Variants in EXOC4 observed in about 807,000 individuals in gnomAD.
EXOC4 encodes exocyst complex component 4, also known as SEC8-like 1.
In EXOC4, 71 loss-of-function variants were observed where a neutral mutation model predicts 107.2. That is an observed-to-expected ratio of 0.66 (90% CI 0.55 to 0.81). The LOEUF (loss-of-function observed/expected upper bound fraction) is 0.81. EXOC4 is among the 30% of genes least tolerant of loss of function. The pLI is 0.00. For missense variants in EXOC4, 1,108 were observed against 1,189.6 expected, an observed-to-expected ratio of 0.93 and a Z score of 1.01; for synonymous variants, 456 against 441.2, an observed-to-expected ratio of 1.03 and a Z score of -0.42.
At chr7:133,618,261 G>A (rs761695817) in intron 9 of EXOC4, among the ~76,000 whole-genome samples, 92 of 150,528 alleles carry the variant, frequency 6.1e-4, no homozygotes, top group Non-Finnish European at 1.1e-3. Context: ...CTGTATTTAT[G>A]TTTATTTAAT....
At chr7:133,680,501 T>G (rs890200673) in intron 10 of EXOC4, among the ~76,000 whole-genome samples, 1 of 152,142 alleles carries the variant, frequency 6.6e-6, no homozygotes, top group Non-Finnish European at 1.5e-5. Flanking sequence ...GGACGTAAAA[T>G]GGATATAAAC....
At chr7:133,486,405 C>G (rs1000626181) in intron 9 of EXOC4, among the ~76,000 whole-genome samples, 2 of 152,112 alleles carry the variant, frequency 1.3e-5, no homozygotes, top group Non-Finnish European at 2.9e-5. Context: ...CAATATTTCA[C>G]TTTTGCACAC....
In EXOC4 at chr7:134,052,716, A is replaced by G. The variant is rs145866919; in HGVS notation, c.2688-11575A>G. ...TATTATTTATCCCATGCTTAAATGA[A>G]AAAACTGAAGTTGAGACAGGTTCAG... On this transcript the variant is annotated intron_variant, in intron 17 of 17. Coordinates refer to ENST00000253861, the MANE Select transcript of EXOC4 (RefSeq NM_021807.4). Among the ~76,000 whole-genome samples the G allele has an allele frequency of 2.4e-4, 36 of 152,354 alleles. No homozygotes were observed. In the East Asian group the frequency reaches 6.0e-3, roughly 25 times the overall value.
At chr7:133,322,131 A>G (rs1795126808) in intron 5 of EXOC4, among the ~76,000 whole-genome samples, 2 of 152,154 alleles carry the variant, frequency 1.3e-5, no homozygotes, top group African/African-American at 4.8e-5. Context: ...CCTTTGTCAG[A>G]TGGATAGATT....
At chr7:133,915,307 G>C (rs900444196) in intron 12 of EXOC4, among the ~76,000 whole-genome samples, 1 of 152,074 alleles carries the variant, frequency 6.6e-6, no homozygotes, top group Non-Finnish European at 1.5e-5. Context: ...ATAGTGGAAA[G>C]AGTAAAAATA....
At chr7:133,466,308 AC>A (rs1798726850) in intron 7 of EXOC4, among the ~76,000 whole-genome samples, 2 of 152,148 alleles carry the variant, frequency 1.3e-5, no homozygotes, top group Non-Finnish European at 1.5e-5. Flanking sequence ...AAGTAGACCA[AC>A]CAATTAAAAA....
intron 9 of EXOC4, among the ~76,000 whole-genome samples, chr7:133,497,078 C>T (rs1294182931): frequency 6.6e-6 from 1 of 152,104 alleles, no homozygotes; most frequent in Non-Finnish European, 1.5e-5. Flanking sequence ...AAAAATAGGA[C>T]CTCCATCCTA....
intron 8 of EXOC4, 93 bp downstream of exon 8, chr7:133,475,566 C>A: frequency 8.6e-7 from 1 of 1,159,240 alleles, no homozygotes; most frequent in Non-Finnish European, 1.2e-6. Flanking sequence ...CTTTGTCTAG[C>A]TTAAGTTGAT....
chr7:133,965,320 G>A (rs1214777410), intron 14 of EXOC4, among the ~76,000 whole-genome samples: 1 of 152,186 alleles, frequency 6.6e-6, no homozygotes, highest in Non-Finnish European at 1.5e-5. Flanking sequence ...CTGTGCAGAA[G>A]CTCTTTAGTT....
At chr7:133,726,381 T>C (rs915714767) in intron 10 of EXOC4, among the ~76,000 whole-genome samples, 1 of 152,170 alleles carries the variant, frequency 6.6e-6, no homozygotes, top group African/African-American at 2.4e-5. Context: ...TAGGCACACG[T>C]ATGTGTGCTG....
intron 14 of EXOC4, among the ~76,000 whole-genome samples, chr7:133,941,478 AG>A (rs1308085890): frequency 6.6e-6 from 1 of 152,116 alleles, no homozygotes; most frequent in African/African-American, 2.4e-5. Flanking sequence ...TTTTTTCCTA[AG>A]GTAATTTTTT....
At chr7:133,917,377 T>C (rs1442860918) in intron 12 of EXOC4, among the ~76,000 whole-genome samples, 1 of 152,166 alleles carries the variant, frequency 6.6e-6, no homozygotes, top group African/African-American at 2.4e-5. Flanking sequence ...ACTCAACAAC[T>C]AAGAAACTAA....
At chr7:133,787,777 C>T (rs562203754) in intron 10 of EXOC4, among the ~76,000 whole-genome samples, 1 of 150,778 alleles carries the variant, frequency 6.6e-6, no homozygotes, top group East Asian at 2.0e-4. Flanking sequence ...CTTATATAAA[C>T]CTAATTAACT....
rs551776906 is a variant in EXOC4 at position 133,898,374 on chromosome 7, A to C, written c.1871+2639A>C. On this transcript the variant is annotated intron_variant, in intron 12 of 17. Transcript: ENST00000253861. ...TGGGCCATTAGAGTCTTGGATTTTC[A>C]GTTTTACAAAACCAGATTCCAAAGT... Among the ~76,000 whole-genome samples, 5 of 152,246 alleles carry C rather than the reference A, an allele frequency of 3.3e-5. No individual in the cohort carries two copies. In the East Asian group the frequency reaches 5.8e-4, roughly 18 times the overall value.
chr7:133,330,218 C>T (rs1357161549), intron 5 of EXOC4, among the ~76,000 whole-genome samples: 1 of 152,156 alleles, frequency 6.6e-6, no homozygotes, highest in Non-Finnish European at 1.5e-5. Context: ...ATTGTTTACT[C>T]TGTGAGGGTA....
At chr7:134,092,730 C>G in the EXOC4 span, among the ~76,000 whole-genome samples, 1 of 151,926 alleles carries the variant, frequency 6.6e-6, no homozygotes, top group Non-Finnish European at 1.5e-5. Flanking sequence ...TTGAAACCAC[C>G]TGGCCAACAT....
chr7:133,947,288 C>CAA (rs530741144), intron 14 of EXOC4, among the ~76,000 whole-genome samples: 5 of 152,114 alleles, frequency 3.3e-5, no homozygotes, highest in Admixed American at 2.0e-4. Flanking sequence ...TGGGTCTTCC[C>CAA]CTTCCTCCTG....
chr7:133,583,183 T>C (rs1225899274), intron 9 of EXOC4, among the ~76,000 whole-genome samples: 5 of 152,236 alleles, frequency 3.3e-5, no homozygotes, highest in African/African-American at 7.2e-5. Flanking sequence ...ATTTACATTT[T>C]ATTTCTTTGA....
intron 9 of EXOC4, among the ~76,000 whole-genome samples, chr7:133,488,915 CATTT>C (rs1264248415): frequency 6.7e-6 from 1 of 149,300 alleles, no homozygotes; most frequent in Admixed American, 6.7e-5. Flanking sequence ...GAAATGTAAA[CATTT>C]ATAATGTAAT....
Sources: allele counts gnomAD v4.1 joint callset (sites outside exome capture counted in the v4.1 genomes callset), GRCh38; gene constraint gnomAD v4.1.1; transcripts MANE v1.5; gene names NCBI Gene and HGNC (gene_info 2026-07-23, HGNC 2026-07-21).